Variants in PCDH9 observed in about 807,000 individuals in gnomAD.
PCDH9 encodes protocadherin 9.
A neutral mutation model predicts 70.6 loss-of-function variants in PCDH9; 24 were observed. That is an observed-to-expected ratio of 0.34 (90% CI 0.25 to 0.48). PCDH9 has a LOEUF of 0.48. Ranked by LOEUF, PCDH9 falls within the 20% of genes least tolerant of loss-of-function variation. The pLI is 0.99. For missense variants in PCDH9, 1,281 were observed against 1,503.6 expected (o/e 0.85, Z 2.45); for synonymous variants, 562 against 558.5 (o/e 1.01, Z -0.09).
chr13:66,554,047 A>T (rs143414310), intron 4 of PCDH9, among the ~76,000 whole-genome samples: 18 of 152,282 alleles, frequency 1.2e-4, no homozygotes, highest in African/African-American at 4.1e-4. Context: ...AAATGATGTC[A>T]ATAGGACATT....
chr13:66,545,200 A>C (rs1167844248), intron 4 of PCDH9, among the ~76,000 whole-genome samples: 1 of 152,140 alleles, frequency 6.6e-6, no homozygotes, highest in Non-Finnish European at 1.5e-5. Context: ...GGTCACTTAG[A>C]ATCAAGGCAA....
At position 66,913,675 on chromosome 13, in the gene PCDH9, T is replaced by G. The variant is rs573045039; in HGVS notation, c.3037-10070A>C. Among the ~76,000 whole-genome samples, 5 of 152,140 alleles carry G rather than the reference T, an allele frequency of 3.3e-5. No individual in the cohort carries two copies. In the South Asian group the frequency reaches 1.0e-3, roughly 32 times the overall value. ...TGTTACCTCAAAACTTGATAGATTTTTATTTGCTCATTCGCTTAATATCTC... is the reference window on the plus strand; with the variant it reads ...TGTTACCTCAAAACTTGATAGATTTGTATTTGCTCATTCGCTTAATATCTC... On this transcript the variant is annotated intron_variant, in intron 2 of 4. Coordinates refer to ENST00000377865, the MANE Select transcript of PCDH9 (RefSeq NM_203487.3).
intron 4 of PCDH9, among the ~76,000 whole-genome samples, chr13:66,463,352 G>A (rs1003264111): frequency 2.6e-5 from 4 of 151,750 alleles, no homozygotes; most frequent in African/African-American, 9.7e-5. Context: ...AAAACAGAAT[G>A]ACTTAGAACA....
chr13:66,439,159 C>A (rs1353686483), intron 4 of PCDH9, among the ~76,000 whole-genome samples: 1 of 152,126 alleles, frequency 6.6e-6, no homozygotes, highest in East Asian at 1.9e-4. Flanking sequence ...ACTCCTATTG[C>A]CCGTTTCTAG....
At chr13:66,944,358 A>C (rs1450301642) in intron 2 of PCDH9, among the ~76,000 whole-genome samples, 5 of 152,186 alleles carry the variant, frequency 3.3e-5, no homozygotes, top group Non-Finnish European at 5.9e-5. Flanking sequence ...GCAATTTTTC[A>C]TAAATATTTT....
intron 2 of PCDH9, among the ~76,000 whole-genome samples, chr13:67,013,264 A>AACACACACAC (rs111347560): frequency 0.075 from 10,773 of 144,340 alleles, 425 homozygotes; most frequent in Non-Finnish European, 0.094. Flanking sequence ...TTTTTAATGT[A>AACACACACAC]ACACACACAC....
chr13:67,061,254 C>T (rs1267261095), intron 2 of PCDH9, among the ~76,000 whole-genome samples: 1 of 151,970 alleles, frequency 6.6e-6, no homozygotes, highest in Non-Finnish European at 1.5e-5. Flanking sequence ...GGAGATCATA[C>T]CTTGGGTTTC....
chr13:67,170,815 C>T (rs1419021101), intron 2 of PCDH9, among the ~76,000 whole-genome samples: 1 of 152,176 alleles, frequency 6.6e-6, no homozygotes, highest in East Asian at 1.9e-4. Flanking sequence ...ATCCCATCTA[C>T]TCGGGAGGCT....
intron 2 of PCDH9, among the ~76,000 whole-genome samples, chr13:67,092,115 AT>A (rs1469522249): frequency 2.6e-5 from 4 of 152,012 alleles, no homozygotes; most frequent in Non-Finnish European, 5.9e-5. Flanking sequence ...AAATTAACTT[AT>A]TTTCATTTTG....
chr13:66,408,729 CTT>C (rs970630146), intron 4 of PCDH9, among the ~76,000 whole-genome samples: 1 of 147,632 alleles, frequency 6.8e-6, no homozygotes, highest in Admixed American at 6.8e-5. Flanking sequence ...CTTCTTCTGC[CTT>C]TTTTTTTTCA....
At chr13:67,046,745 A>G (rs557578899) in intron 2 of PCDH9, among the ~76,000 whole-genome samples, 2 of 152,190 alleles carry the variant, frequency 1.3e-5, no homozygotes, top group East Asian at 3.9e-4. Flanking sequence ...TATTTTAACA[A>G]CAATAGAAAA....
intron 4 of PCDH9, among the ~76,000 whole-genome samples, chr13:66,306,941 C>A (rs1779879779): frequency 6.6e-6 from 1 of 152,046 alleles, no homozygotes; most frequent in African/African-American, 2.4e-5. Context: ...TTTGCTTAAA[C>A]CAATCCACGC....
intron 2 of PCDH9, among the ~76,000 whole-genome samples, chr13:67,007,254 A>G (rs1441156581): frequency 6.6e-6 from 1 of 152,152 alleles, no homozygotes; most frequent in Non-Finnish European, 1.5e-5. Context: ...AATATTGTAC[A>G]GCCACCAAAA....
intron 2 of PCDH9, chr13:66,914,501 C>T (rs1259405016): frequency 2.6e-5 from 4 of 151,590 alleles, no homozygotes. Flanking sequence ...GTAAAGAAAC[C>T]GAAAGAGATT....
intron 3 of PCDH9, among the ~76,000 whole-genome samples, chr13:66,696,783 CTT>C (rs34598874): frequency 0.25 from 31,782 of 125,832 alleles, 4,098 homozygotes; most frequent in African/African-American, 0.4. Flanking sequence ...TTCAGGCAAA[CTT>C]TTTTTTTTTT....
At chr13:67,041,928 T>C (rs144572861) in intron 2 of PCDH9, among the ~76,000 whole-genome samples, 82 of 152,254 alleles carry the variant, frequency 5.4e-4, no homozygotes, top group African/African-American at 1.9e-3. Context: ...ATGTAACTAG[T>C]TCTGGTCACT....
chr13:66,362,894 A>T (rs189508438), intron 4 of PCDH9, among the ~76,000 whole-genome samples: 17 of 152,282 alleles, frequency 1.1e-4, no homozygotes, highest in Admixed American at 9.8e-4. Flanking sequence ...TCATAAAGAA[A>T]CACAGGCCAG....
chr13:67,169,643 T>C (rs965418857), intron 2 of PCDH9, among the ~76,000 whole-genome samples: 3 of 152,208 alleles, frequency 2.0e-5, no homozygotes, highest in Non-Finnish European at 2.9e-5. Context: ...GCTGAGTCAA[T>C]GTCAACTCAT....
intron 3 of PCDH9, among the ~76,000 whole-genome samples, chr13:66,875,850 A>C (rs1402469895): frequency 2.0e-5 from 3 of 152,176 alleles, no homozygotes; most frequent in Non-Finnish European, 4.4e-5. Flanking sequence ...GGGAACTGGA[A>C]TATATACTTG....
Sources: gnomAD v4.1 joint callset for allele counts (sites outside exome capture counted in the v4.1 genomes callset) on GRCh38, gnomAD v4.1.1 for gene constraint, MANE v1.5 for transcripts, NCBI Gene and HGNC (gene_info 2026-07-23, HGNC 2026-07-21) for gene names.